The following ARHGAP15 variants were observed in gnomAD, a reference collection of about 807,000 sequenced individuals.
The protein encoded by ARHGAP15 is rho GTPase-activating protein 15.
ARHGAP15 carries 51 observed loss-of-function variants against 63.7 expected under a neutral mutation model. The ratio of observed to expected loss-of-function variants is 0.80; its 90% CI spans 0.64 to 1.01. The LOEUF (loss-of-function observed/expected upper bound fraction) is 1.01. Among genes scored for constraint, ARHGAP15 ranks in the 50% least tolerant of loss-of-function variants. ARHGAP15 has a pLI of 0.00. For missense variants in ARHGAP15, 560 were observed against 564.6 expected (o/e 0.99, Z 0.08); for synonymous variants, 191 against 193.8 (o/e 0.99, Z 0.12).
intron 6 of ARHGAP15, among the ~76,000 whole-genome samples, chr2:143,272,207 G>T (rs185093620): frequency 6.6e-6 from 1 of 152,366 alleles, no homozygotes; most frequent in Admixed American, 6.5e-5. Flanking sequence ...GTAGGCTGAT[G>T]ATTGTGAGGC....
intron 9 of ARHGAP15, among the ~76,000 whole-genome samples, chr2:143,496,068 G>A (rs1028742988): frequency 2.0e-5 from 3 of 152,182 alleles, no homozygotes; most frequent in Middle Eastern, 6.8e-3. Flanking sequence ...TTTAATATTA[G>A]CCAAAATTAA....
intron 10 of ARHGAP15, among the ~76,000 whole-genome samples, chr2:143,555,902 G>C (rs571284553): frequency 6.8e-6 from 1 of 147,686 alleles, no homozygotes; most frequent in Non-Finnish European, 1.5e-5. Context: ...GAATAGAATA[G>C]AATAGAATAG....
chr2:143,679,230 A>G (rs1682977304), intron 12 of ARHGAP15, among the ~76,000 whole-genome samples: 1 of 152,196 alleles, frequency 6.6e-6, no homozygotes, highest in South Asian at 2.1e-4. Context: ...CCTGGAAAAC[A>G]ATTTGCAAAA....
chr2:143,728,539 C>CTAAAT (rs1219599669), intron 13 of ARHGAP15, among the ~76,000 whole-genome samples: 1 of 152,154 alleles, frequency 6.6e-6, no homozygotes, highest in Non-Finnish European at 1.5e-5. Flanking sequence ...AAACTAAAAC[C>CTAAAT]TAAATTAATA....
intron 8 of ARHGAP15, among the ~76,000 whole-genome samples, chr2:143,482,166 A>G (rs1692108470): frequency 6.6e-6 from 1 of 152,168 alleles, no homozygotes; most frequent in African/African-American, 2.4e-5. Context: ...TGATTGCTCT[A>G]GTCTCTTATG....
Position 143,703,510 on chromosome 2 carries a change from T to C in ARHGAP15, c.1230T>C (p.Phe410=), listed in dbSNP as rs146358621. The C allele has an allele frequency of 1.9e-6, 3 of 1,609,822 alleles. No individual in the cohort carries two copies. The highest frequency in any genetic ancestry group is 1.7e-6 in the Non-Finnish European group (2 of 1,178,178). Reference sequence around the variant, plus strand: ...ATCGTGACACCATGAAAGTCCTCTTTGGACATCTAACTAAGTAAGTTGTAA... The same window carrying C: ...ATCGTGACACCATGAAAGTCCTCTTCGGACATCTAACTAAGTAAGTTGTAA... ...PPNRDTMKVL[F]GHLTKIVAKA... is the part of the protein sequence containing the mutation. Residue 410 remains phenylalanine, a synonymous_variant, in exon 13 of 14, where the codon TTT becomes TTC. Transcript: ENST00000295095.
At chr2:143,670,196 C>A (rs1682446219) in intron 12 of ARHGAP15, among the ~76,000 whole-genome samples, 1 of 152,180 alleles carries the variant, frequency 6.6e-6, no homozygotes, top group African/African-American at 2.4e-5. Flanking sequence ...CCCACTTCTG[C>A]TCCCAACCAC....
chr2:143,710,649 A>G (rs779944877), intron 13 of ARHGAP15, among the ~76,000 whole-genome samples: 17 of 152,210 alleles, frequency 1.1e-4, no homozygotes, highest in Admixed American at 9.2e-4. Context: ...CATCCCATCT[A>G]TCATTGTTGT....
chr2:143,277,716 T>C (rs1277718288), intron 6 of ARHGAP15, among the ~76,000 whole-genome samples: 1 of 152,048 alleles, frequency 6.6e-6, no homozygotes, highest in African/African-American at 2.4e-5. Flanking sequence ...TGAGGTAAAA[T>C]GGGCCATGAT....
chr2:143,408,625 TTACTTA>T (rs1688315485), intron 6 of ARHGAP15, among the ~76,000 whole-genome samples: 1 of 151,906 alleles, frequency 6.6e-6, no homozygotes. Context: ...TCCACAGACA[TTACTTA>T]TACTCTTGAA....
intron 8 of ARHGAP15, among the ~76,000 whole-genome samples, chr2:143,470,860 TTA>T (rs1691498585): frequency 3.3e-5 from 5 of 149,262 alleles, no homozygotes; most frequent in Admixed American, 2.7e-4. Flanking sequence ...ACACGTATAT[TTA>T]TGTGTGTGTG....
intron 6 of ARHGAP15, among the ~76,000 whole-genome samples, chr2:143,308,818 C>T (rs944314930): frequency 1.3e-5 from 2 of 150,966 alleles, no homozygotes; most frequent in South Asian, 2.1e-4. Context: ...TACACTTTCC[C>T]ATAGCCTAAG....
chr2:143,536,597 C>T (rs981444145), intron 10 of ARHGAP15, among the ~76,000 whole-genome samples: 5 of 147,744 alleles, frequency 3.4e-5, no homozygotes, highest in Non-Finnish European at 1.5e-5. Flanking sequence ...CTGTTCAATT[C>T]CCACCTATGA....
intron 6 of ARHGAP15, among the ~76,000 whole-genome samples, chr2:143,342,601 G>A (rs557458692): frequency 1.3e-5 from 2 of 152,146 alleles, no homozygotes; most frequent in East Asian, 3.9e-4. Context: ...TAGCACTGAA[G>A]TTCCAAAAGG....
At chr2:143,377,613 G>A (rs901279352) in intron 6 of ARHGAP15, among the ~76,000 whole-genome samples, 1 of 151,320 alleles carries the variant, frequency 6.6e-6, no homozygotes, top group Non-Finnish European at 1.5e-5. Flanking sequence ...AATACTTTTC[G>A]AAAGACAATT....
intron 8 of ARHGAP15, chr2:143,437,255 A>G (rs13019302): frequency 0.91 from 459,714 of 502,504 alleles, 210,842 homozygotes; most frequent in Middle Eastern, 0.95. Context: ...AATTGTTCCA[A>G]GGTCATGGTC....
chr2:143,559,703 A>C (rs920058341), intron 11 of ARHGAP15, among the ~76,000 whole-genome samples: 1 of 152,194 alleles, frequency 6.6e-6, no homozygotes, highest in Non-Finnish European at 1.5e-5. Flanking sequence ...AGCTGACTTG[A>C]AAATAATCAG....
At chr2:143,218,277 C>CTT (rs762494225) in intron 4 of ARHGAP15, among the ~76,000 whole-genome samples, 8,906 of 91,514 alleles carry the variant, frequency 0.097, 444 homozygotes, top group South Asian at 0.21. Context: ...TTTAGTTTTC[C>CTT]TTTTTTTTTT....
At chr2:143,723,899 T>C (rs1685169844) in intron 13 of ARHGAP15, among the ~76,000 whole-genome samples, 1 of 152,206 alleles carries the variant, frequency 6.6e-6, no homozygotes, top group Non-Finnish European at 1.5e-5. Flanking sequence ...GCTGTGTGCA[T>C]CTGCCTCTGA....
Sources: gnomAD v4.1 joint callset for allele counts (sites outside exome capture counted in the v4.1 genomes callset) on GRCh38, gnomAD v4.1.1 for gene constraint, MANE v1.5 for transcripts, NCBI Gene and HGNC (gene_info 2026-07-23, HGNC 2026-07-21) for gene names.